The following ALPK1 variants were observed in gnomAD, a reference collection of about 807,000 sequenced individuals.
ALPK1 encodes the protein alpha kinase 1, also known as alpha-protein kinase 1.
A neutral mutation model predicts 120.6 loss-of-function variants in ALPK1; 110 were observed. The ratio of observed to expected loss-of-function variants is 0.91; its 90% CI spans 0.78 to 1.07. ALPK1 has a LOEUF of 1.07. Ranked by LOEUF, ALPK1 falls within the 50% of genes least tolerant of loss-of-function variation. The pLI is 0.00. For missense variants in ALPK1, 1,498 were observed against 1,483.9 expected (o/e 1.01, Z -0.16); for synonymous variants, 582 against 560.3 (o/e 1.04, Z -0.55).
At chr4:112,327,375 G>T (rs1484222635) in intron 2 of ALPK1, among the ~76,000 whole-genome samples, 5 of 152,140 alleles carry the variant, frequency 3.3e-5, no homozygotes, top group African/African-American at 1.2e-4. Context: ...AGTAAATGGT[G>T]GGTACTGTTA....
chr4:112,356,960 G>A (rs899057609), intron 2 of ALPK1: 28 of 765,578 alleles, frequency 3.7e-5, no homozygotes, highest in South Asian at 3.5e-4. Context: ...GGGACTGGAC[G>A]TCATAGACCA....
chr4:112,360,916 A>G (rs958779821), intron 2 of ALPK1, among the ~76,000 whole-genome samples: 17 of 152,134 alleles, frequency 1.1e-4, no homozygotes, highest in African/African-American at 3.9e-4. Context: ...CCATGGCTTC[A>G]TTATGATATT....
At chr4:112,368,487 T>C (rs1482854393) in intron 2 of ALPK1, among the ~76,000 whole-genome samples, 1 of 152,196 alleles carries the variant, frequency 6.6e-6, no homozygotes. Flanking sequence ...GATTTCTTTT[T>C]GCCTTATGTA....
intron 5 of ALPK1, among the ~76,000 whole-genome samples, chr4:112,420,818 A>G (rs1023286237): frequency 1.3e-5 from 2 of 150,154 alleles, no homozygotes; most frequent in African/African-American, 2.4e-5. Flanking sequence ...ATGCATGTAT[A>G]TACTCATACA....
Position 112,423,299 on chromosome 4 carries a change from A to G in ALPK1, c.476-645A>G, listed in dbSNP as rs1734079656. The stretch of plus-strand genomic sequence containing the variant: ...GTAATGAGCCTGGTCTACCCAAGGG[A>G]TGATAAGGAGGCCACTGTGACTGAA... On this transcript the variant is annotated intron_variant, in intron 5 of 15. Transcript: ENST00000650871. Among the ~76,000 whole-genome samples the G allele has an allele frequency of 3.3e-5, 5 of 152,274 alleles. No individual in the cohort carries two copies. The South Asian group carries it at 1.0e-3, about 32-fold the overall frequency.
At chr4:112,341,048 T>C (rs984650267) in intron 2 of ALPK1, among the ~76,000 whole-genome samples, 1 of 152,186 alleles carries the variant, frequency 6.6e-6, no homozygotes, top group Non-Finnish European at 1.5e-5. Context: ...GCTTAGTTAC[T>C]AGCATTTCCC....
At chr4:112,370,344 C>T (rs531191238) in intron 2 of ALPK1, among the ~76,000 whole-genome samples, 2 of 151,846 alleles carry the variant, frequency 1.3e-5, no homozygotes, top group African/African-American at 4.8e-5. Flanking sequence ...GTATTTATTC[C>T]AGAATTATCT....
intron 2 of ALPK1, among the ~76,000 whole-genome samples, chr4:112,325,299 G>A (rs1729063668): frequency 6.6e-6 from 1 of 152,110 alleles, no homozygotes; most frequent in Admixed American, 6.6e-5. Context: ...CCATTTACCA[G>A]CCATGATTTT....
chr4:112,422,831 C>A (rs956549724), intron 5 of ALPK1, among the ~76,000 whole-genome samples: 2 of 147,420 alleles, frequency 1.4e-5, no homozygotes, highest in African/African-American at 4.9e-5. Context: ...CAGCTGTCCT[C>A]TGCATGGGCC....
chr4:112,391,511 A>G (rs13114338), intron 4 of ALPK1, among the ~76,000 whole-genome samples: 52,950 of 152,106 alleles, frequency 0.35, 9,358 homozygotes, highest in East Asian at 0.53. Flanking sequence ...TTGAAAATAA[A>G]GTTATTGTAG....
At chr4:112,414,730 A>G (rs961294460) in intron 5 of ALPK1, 5 of 162,922 alleles carry the variant, frequency 3.1e-5, no homozygotes, top group Non-Finnish European at 6.8e-5. Flanking sequence ...TTCCATCAAC[A>G]TGGAGGACTG....
At chr4:112,379,665 C>A (rs533060027) in intron 3 of ALPK1, among the ~76,000 whole-genome samples, 2 of 152,182 alleles carry the variant, frequency 1.3e-5, no homozygotes, top group Non-Finnish European at 2.9e-5. Flanking sequence ...GGCAGCGGGG[C>A]GAGCCAGCAG....
At chr4:112,412,131 C>A (rs564905848) in intron 5 of ALPK1, 106 bp downstream of exon 5, 2 of 1,404,006 alleles carry the variant, frequency 1.4e-6, no homozygotes, top group Non-Finnish European at 2.0e-6. Flanking sequence ...CCGGGCCCTG[C>A]GTGCCATCTT....
At chr4:112,423,404 G>T (rs1237038816) in intron 5 of ALPK1, among the ~76,000 whole-genome samples, 1 of 152,206 alleles carries the variant, frequency 6.6e-6, no homozygotes, top group African/African-American at 2.4e-5. Context: ...GTAGGGCTTA[G>T]AGGAACCTAG....
At chr4:112,413,256 A>G (rs1332926849) in intron 5 of ALPK1, among the ~76,000 whole-genome samples, 2 of 152,194 alleles carry the variant, frequency 1.3e-5, no homozygotes, top group African/African-American at 4.8e-5. Context: ...ACAGGGTTCT[A>G]ATATTGGTTC....
chr4:112,388,391 T>C (rs1732246370), intron 4 of ALPK1, among the ~76,000 whole-genome samples: 1 of 152,168 alleles, frequency 6.6e-6, no homozygotes, highest in Admixed American at 6.5e-5. Context: ...GGAAATGAAA[T>C]ATCAAGTTAA....
At chr4:112,410,427 GAATTAGTGCATATAAATCACCT>G (rs140498953) in intron 4 of ALPK1, among the ~76,000 whole-genome samples, 2,428 of 152,290 alleles carry the variant, frequency 0.016, 26 homozygotes, top group Middle Eastern at 0.031. Context: ...AGAACTTATT[GAATTAGTGCATATAAATCACCT>G]AGCACTGTGC....
At chr4:112,298,288 A>T (rs1727631362) in intron 1 of ALPK1, among the ~76,000 whole-genome samples, 1 of 151,330 alleles carries the variant, frequency 6.6e-6, no homozygotes, top group African/African-American at 2.4e-5. Context: ...TCTCCCTTTT[A>T]CTTTCTTTTT....
intron 4 of ALPK1, among the ~76,000 whole-genome samples, chr4:112,400,927 A>G (rs777996314): frequency 6.6e-5 from 10 of 152,144 alleles, no homozygotes; most frequent in Admixed American, 6.5e-4. Flanking sequence ...AATGTGTTTC[A>G]TCCACAGAAG....
Sources: allele counts gnomAD v4.1 joint callset (sites outside exome capture counted in the v4.1 genomes callset), GRCh38; gene constraint gnomAD v4.1.1; transcripts MANE v1.5; gene names NCBI Gene and HGNC (gene_info 2026-07-23, HGNC 2026-07-21).